CNTN3: variants seen among roughly 807,000 people sequenced by gnomAD.
CNTN3 encodes the protein contactin-3.
A neutral mutation model predicts 119.1 loss-of-function variants in CNTN3; 60 were observed. The observed-to-expected ratio is 0.50, with a 90% CI of 0.41 to 0.62. The LOEUF is 0.62. CNTN3 is among the 20% of genes least tolerant of loss of function. The probability of loss-of-function intolerance (pLI) is 0.00; values close to 1 mark genes in which losing one functional copy is unlikely to be tolerated. For missense variants in CNTN3, 1,101 were observed against 1,242.4 expected (o/e 0.89, Z 1.71); for synonymous variants, 450 against 438.7 (o/e 1.03, Z -0.32).
chr3:74,370,408 G>A (rs1214667652), intron 6 of CNTN3, among the ~76,000 whole-genome samples: 1 of 152,030 alleles, frequency 6.6e-6, no homozygotes, highest in East Asian at 1.9e-4. Context: ...TTTTGACATT[G>A]CTAGTCAAAC....
intron 4 of CNTN3, among the ~76,000 whole-genome samples, chr3:74,438,568 C>T (rs1701910222): frequency 6.6e-6 from 1 of 152,196 alleles, no homozygotes; most frequent in Non-Finnish European, 1.5e-5. Flanking sequence ...AACAACTACT[C>T]TAGTTTACCT....
intron 1 of CNTN3, among the ~76,000 whole-genome samples, chr3:74,606,141 CA>C (rs1030353672): frequency 6.6e-6 from 1 of 151,698 alleles, no homozygotes; most frequent in Non-Finnish European, 1.5e-5. Flanking sequence ...TTCAAAAACA[CA>C]ACCAAAAGCA....
intron 4 of CNTN3, among the ~76,000 whole-genome samples, chr3:74,452,131 T>G (rs1702170129): frequency 6.9e-6 from 1 of 144,390 alleles, no homozygotes; most frequent in Admixed American, 7.0e-5. Context: ...ATGATATTGA[T>G]TCTTCCTACC....
At chr3:74,456,175 C>T (rs139391112) in intron 4 of CNTN3, among the ~76,000 whole-genome samples, 2 of 151,784 alleles carry the variant, frequency 1.3e-5, no homozygotes, top group Non-Finnish European at 2.9e-5. Context: ...GGAAGACATC[C>T]TCTTTATTGT....
At chr3:74,394,542 G>A (rs1162690976) in intron 5 of CNTN3, among the ~76,000 whole-genome samples, 3 of 152,076 alleles carry the variant, frequency 2.0e-5, no homozygotes, top group Admixed American at 6.6e-5. Context: ...CTATGAAGAT[G>A]ATCATTGTTA....
At chr3:74,310,597 G>A (rs2106835909) in intron 13 of CNTN3, among the ~76,000 whole-genome samples, 1 of 152,238 alleles carries the variant, frequency 6.6e-6, no homozygotes, top group South Asian at 2.1e-4. Flanking sequence ...TATAGTGGCT[G>A]GATACCAAGA....
chr3:74,475,510 C>T (rs2107012908), intron 4 of CNTN3, among the ~76,000 whole-genome samples: 1 of 152,246 alleles, frequency 6.6e-6, no homozygotes, highest in African/African-American at 2.4e-5. Flanking sequence ...AGACGTTTTG[C>T]ACACATCCTG....
At chr3:74,508,641 G>A (rs992566957) in intron 2 of CNTN3, among the ~76,000 whole-genome samples, 2 of 147,444 alleles carry the variant, frequency 1.4e-5, no homozygotes, top group Admixed American at 1.4e-4. Context: ...ACTGCATGCT[G>A]GACTGTTAAC....
chr3:74,461,527 C>T (rs2106974825), intron 4 of CNTN3, among the ~76,000 whole-genome samples: 1 of 152,062 alleles, frequency 6.6e-6, no homozygotes, highest in South Asian at 2.1e-4. Flanking sequence ...CTTTCTAGGG[C>T]ATCAAATCAA....
chr3:74,497,505 C>T (rs573778834), intron 3 of CNTN3, among the ~76,000 whole-genome samples: 3 of 151,936 alleles, frequency 2.0e-5, no homozygotes, highest in Non-Finnish European at 2.9e-5. Context: ...TAGAATGAAA[C>T]GAGCTTCTCT....
intron 1 of CNTN3, among the ~76,000 whole-genome samples, chr3:74,527,256 C>A (rs964457178): frequency 6.6e-6 from 1 of 152,010 alleles, no homozygotes; most frequent in Non-Finnish European, 1.5e-5. Context: ...AAAAATTTGA[C>A]AAATAAGTTT....
chr3:74,435,164 C>T (rs1701845955), intron 4 of CNTN3, among the ~76,000 whole-genome samples: 1 of 152,100 alleles, frequency 6.6e-6, no homozygotes. Flanking sequence ...ATTAATTTTA[C>T]TGGAACGATT....
intron 1 of CNTN3, among the ~76,000 whole-genome samples, chr3:74,596,196 C>T (rs1704806502): frequency 6.6e-6 from 1 of 152,062 alleles, no homozygotes; most frequent in South Asian, 2.1e-4. Flanking sequence ...ACGATACAAA[C>T]AAATGGAAGA....
intron 1 of CNTN3, among the ~76,000 whole-genome samples, chr3:74,551,564 T>G (rs1315099887): frequency 6.6e-6 from 1 of 152,070 alleles, no homozygotes; most frequent in South Asian, 2.1e-4. Flanking sequence ...TATCCACCAT[T>G]ACAGTAACAT....
chr3:74,548,779 C>G (rs1198101686), intron 1 of CNTN3, among the ~76,000 whole-genome samples: 1 of 152,130 alleles, frequency 6.6e-6, no homozygotes, highest in African/African-American at 2.4e-5. Context: ...TTCTAAGAAC[C>G]TGCTGGCTTT....
At position 74,264,264 on chromosome 3, in the gene CNTN3, A is replaced by C; in HGVS notation, c.*137T>G. On this transcript the variant is annotated 3_prime_UTR_variant, in exon 23 of 23. Transcript: ENST00000263665. The stretch of plus-strand genomic sequence containing the variant: ...AAAAGGATTTACTGTTTTTTTAATT[A>C]TATTCATATTTACCTATAATGAAGT... 2 of 442,626 alleles carry C rather than the reference A, an allele frequency of 4.5e-6. No homozygotes were observed. Among genetic ancestry groups the C allele is most frequent in the Non-Finnish European group, 8.1e-6 (2 of 245,936 alleles). 27.4% of individuals were successfully genotyped at this position (442,626 alleles called of 1,614,324 possible).
chr3:74,404,023 TTC>T (rs1705261169), intron 5 of CNTN3, among the ~76,000 whole-genome samples: 1 of 152,164 alleles, frequency 6.6e-6, no homozygotes, highest in South Asian at 2.1e-4. Flanking sequence ...AGACTCGCTA[TTC>T]TCTGTCTTTT....
At chr3:74,389,173 T>C (rs1014607008) in intron 5 of CNTN3, among the ~76,000 whole-genome samples, 1 of 152,250 alleles carries the variant, frequency 6.6e-6, no homozygotes, top group Non-Finnish European at 1.5e-5. Context: ...TATGGAATTA[T>C]ACTGGCTTTT....
intron 4 of CNTN3, among the ~76,000 whole-genome samples, chr3:74,483,195 T>C (rs1187916699): frequency 6.6e-6 from 1 of 151,966 alleles, no homozygotes; most frequent in African/African-American, 2.4e-5. Flanking sequence ...AAATAAAACT[T>C]GTAAAGCAGA....
Sources: gnomAD v4.1 joint callset for allele counts (sites outside exome capture counted in the v4.1 genomes callset) on GRCh38, gnomAD v4.1.1 for gene constraint, MANE v1.5 for transcripts, NCBI Gene and HGNC (gene_info 2026-07-23, HGNC 2026-07-21) for gene names.